Variants in ABI3BP observed in about 807,000 individuals in gnomAD.
ABI3BP encodes the protein ABI family member 3 binding protein, also known as target of Nesh-SH3.
In ABI3BP, 216 loss-of-function variants were observed where a neutral mutation model predicts 268.6. That is an observed-to-expected ratio of 0.80 (90% CI 0.72 to 0.90). The LOEUF (loss-of-function observed/expected upper bound fraction) is 0.90, where lower values mean the gene tolerates loss of function less well. ABI3BP is among the 40% of genes least tolerant of loss of function. The pLI is 0.00. For synonymous variants in ABI3BP, 730 were observed against 730.0 expected (o/e 1.00, Z 0.00); for missense variants, 2,090 against 2,182.4 (o/e 0.96, Z 0.84).
intron 1 of ABI3BP, among the ~76,000 whole-genome samples, chr3:100,970,439 T>G (rs2153872067): frequency 6.6e-6 from 1 of 152,298 alleles, no homozygotes; most frequent in Non-Finnish European, 1.5e-5. Flanking sequence ...AACTCACAGG[T>G]ATCCAGTTGC....
intron 9 of ABI3BP, among the ~76,000 whole-genome samples, chr3:100,873,433 G>A (rs1306103390): frequency 6.6e-6 from 1 of 152,098 alleles, no homozygotes; most frequent in Non-Finnish European, 1.5e-5. Flanking sequence ...GGGCAGGGAG[G>A]GAAAGGGGGA....
chr3:100,877,668 T>C (rs1029152066), intron 6 of ABI3BP, among the ~76,000 whole-genome samples: 4 of 152,120 alleles, frequency 2.6e-5, no homozygotes, highest in African/African-American at 9.7e-5. Flanking sequence ...GGCAGAAAAT[T>C]ATACACAGGA....
At chr3:100,768,113 G>A (rs2096376509) in intron 62 of ABI3BP, among the ~76,000 whole-genome samples, 1 of 139,298 alleles carries the variant, frequency 7.2e-6, no homozygotes, top group Non-Finnish European at 1.5e-5. Context: ...TTGAGACGGA[G>A]TCTCACACTC....
chr3:100,812,579 A>G, intron 45 of ABI3BP, 56 bp from the exon 46 acceptor site: 1 of 1,171,134 alleles, frequency 8.5e-7, no homozygotes, highest in Non-Finnish European at 1.1e-6. Flanking sequence ...AAGTATTTAT[A>G]AAAGTGCTTT....
chr3:100,941,635 G>A (rs1045290718), intron 1 of ABI3BP, among the ~76,000 whole-genome samples: 2 of 152,024 alleles, frequency 1.3e-5, no homozygotes, highest in African/African-American at 2.4e-5. Context: ...ATACTTCACC[G>A]TCTGGTGAAT....
At chr3:100,969,734 G>A (rs916440844) in intron 1 of ABI3BP, among the ~76,000 whole-genome samples, 7 of 152,164 alleles carry the variant, frequency 4.6e-5, no homozygotes, top group Non-Finnish European at 1.0e-4. Context: ...AATAGAGTCA[G>A]GGTGGAGTAG....
intron 63 of ABI3BP, among the ~76,000 whole-genome samples, chr3:100,757,145 A>G (rs1444896715): frequency 6.6e-6 from 1 of 152,118 alleles, no homozygotes; most frequent in African/African-American, 2.4e-5. Context: ...AAATGAGAGA[A>G]AAGAAAGTTG....
At chr3:100,949,905 T>G (rs1198274689) in intron 1 of ABI3BP, among the ~76,000 whole-genome samples, 1 of 152,176 alleles carries the variant, frequency 6.6e-6, no homozygotes, top group African/African-American at 2.4e-5. Flanking sequence ...ACAATTGCCC[T>G]TTTGTTCAAC....
chr3:100,911,984 A>G lies in ABI3BP; in HGVS notation c.260-9298T>C, dbSNP rs2056686154. ...TTGAGGAATTATAAAAGCTAAAAAA[A>G]GCATGGAATATATTTCTGAATGTCA... On this transcript the variant is annotated intron_variant, in intron 2 of 67. Coordinates refer to ENST00000471714, the MANE Select transcript of ABI3BP (RefSeq NM_001375547.2). 1.1e-5 allele frequency: 9 copies of G among 821,142 alleles called. No homozygotes were observed. The South Asian group carries it at 1.3e-4, about 12-fold the overall frequency. The allele number at this position is 821,142 out of a possible 1,614,324, so 50.9% of individuals were successfully genotyped here.
chr3:100,786,236 G>T (rs530577593), intron 57 of ABI3BP, among the ~76,000 whole-genome samples: 9 of 152,250 alleles, frequency 5.9e-5, no homozygotes, highest in African/African-American at 1.9e-4. Context: ...AGAGGAAACA[G>T]TGAGCTCAGC....
intron 1 of ABI3BP, among the ~76,000 whole-genome samples, chr3:100,928,890 T>A (rs559655559): frequency 2.0e-5 from 3 of 152,066 alleles, no homozygotes; most frequent in Admixed American, 1.3e-4. Flanking sequence ...AATGCTCAAG[T>A]TGGGGTGCCA....
chr3:100,761,479 T>A (rs1367068042), intron 63 of ABI3BP, among the ~76,000 whole-genome samples: 1 of 152,200 alleles, frequency 6.6e-6, no homozygotes, highest in Non-Finnish European at 1.5e-5. Context: ...TGTGGCTCTC[T>A]ATTGACAAGA....
intron 1 of ABI3BP, among the ~76,000 whole-genome samples, chr3:100,970,023 T>A (rs1207862763): frequency 6.6e-6 from 1 of 152,150 alleles, no homozygotes; most frequent in African/African-American, 2.4e-5. Flanking sequence ...ATGGGGCTAC[T>A]CTCATAGGTA....
intron 1 of ABI3BP, among the ~76,000 whole-genome samples, chr3:100,936,029 G>A (rs12330416): frequency 0.022 from 3,349 of 152,126 alleles, 119 homozygotes; most frequent in African/African-American, 0.076. Context: ...ATAGGAGTGG[G>A]AGAGAGGGCA....
intron 1 of ABI3BP, among the ~76,000 whole-genome samples, chr3:100,975,759 A>G (rs2085862254): frequency 6.6e-6 from 1 of 152,140 alleles, no homozygotes; most frequent in South Asian, 2.1e-4. Context: ...GCAAGAGACC[A>G]CAGGGGGCCT....
intron 1 of ABI3BP, among the ~76,000 whole-genome samples, chr3:100,927,821 A>T (rs2062302423): frequency 6.6e-6 from 1 of 152,130 alleles, no homozygotes. Flanking sequence ...CATATCAATC[A>T]GTTAATGTAA....
chr3:100,754,857 T>C lies in ABI3BP; in HGVS notation c.4851-166A>G, dbSNP rs1053195283. Among the ~76,000 whole-genome samples the C allele has an allele frequency of 3.3e-5, 5 of 152,222 alleles. No individual in the cohort carries two copies. In the South Asian group the frequency reaches 8.3e-4, roughly 25 times the overall value. ...GGTTGAGGAAAGAAAAATGATTTCT[T>C]AGTTTTACTATCTGAACAGCTTGTC... On this transcript the variant is annotated intron_variant, in intron 63 of 67. Coordinates refer to ENST00000471714, the MANE Select transcript of ABI3BP (RefSeq NM_001375547.2).
At chr3:100,796,803 G>A (rs1165392666) in intron 51 of ABI3BP, among the ~76,000 whole-genome samples, 3 of 152,084 alleles carry the variant, frequency 2.0e-5, no homozygotes, top group African/African-American at 7.2e-5. Context: ...TTTGCACAAA[G>A]TGGTTAGCTG....
At chr3:100,840,619 A>G (rs563918376) in intron 22 of ABI3BP, among the ~76,000 whole-genome samples, 1 of 152,336 alleles carries the variant, frequency 6.6e-6, no homozygotes, top group East Asian at 1.9e-4. Context: ...TAATTATGTC[A>G]GGACAGGCAA....
Sources: allele counts gnomAD v4.1 joint callset (sites outside exome capture counted in the v4.1 genomes callset), GRCh38; gene constraint gnomAD v4.1.1; transcripts MANE v1.5; gene names NCBI Gene and HGNC (gene_info 2026-07-23, HGNC 2026-07-21).